PAXBP1: variants seen among roughly 807,000 people sequenced by gnomAD.
PAXBP1 encodes PAX3 and PAX7 binding protein 1.
A neutral mutation model predicts 119.9 loss-of-function variants in PAXBP1; 44 were observed. That is an observed-to-expected ratio of 0.37 (90% CI 0.29 to 0.47). PAXBP1 has a LOEUF of 0.47. Among genes scored for constraint, PAXBP1 ranks in the 20% least tolerant of loss-of-function variants. The pLI is 0.99. For missense variants in PAXBP1, 898 were observed against 1,134.1 expected (o/e 0.79, Z 2.99); for synonymous variants, 393 against 406.6 (o/e 0.97, Z 0.40).
At position 32,771,484 on chromosome 21, in the gene PAXBP1, G is replaced by A. The variant is rs2044351229; in HGVS notation, c.185C>T (p.Ser62Leu). Residue 62 changes from serine (S) to leucine (L), a missense_variant, in exon 1 of 18, where the codon TCG (serine) becomes TTG (leucine). Ser to Leu is a moderately radical substitution (Grantham distance 145). This residue lies in a region of PAXBP1 where 299 missense variants were observed against 281.4 expected (regional missense o/e 1.06). Coordinates refer to ENST00000331923, the MANE Select transcript of PAXBP1 (RefSeq NM_016631.4). Reference protein sequence around the residue: ...GGESLLGPGPSPPSALTPGLG... With the variant: ...GGESLLGPGPLPPSALTPGLG... ...GCCCGGGGTCAGCGCGGAAGGCGGC[G>A]ACGGCCCCGGGCCCAGCAGCGACTC... 3.0e-6 allele frequency: 4 copies of A among 1,326,668 alleles called. No homozygotes were observed. Among genetic ancestry groups the A allele is most frequent in the African/African-American group, 1.5e-5 (1 of 64,594 alleles). The allele number at this position is 1,326,668 out of a possible 1,614,324, so 82.2% of individuals were successfully genotyped here.
intron 1 of PAXBP1, 122 bp from the exon 2 acceptor site, chr21:32,770,064 A>C: frequency 1.5e-6 from 1 of 666,518 alleles, no homozygotes; most frequent in South Asian, 2.3e-5. Flanking sequence ...TGCCAAAATC[A>C]TTGTATAATT....
chr21:32,758,908 T>TAA, intron 7 of PAXBP1, among the ~76,000 whole-genome samples, 172 bp downstream of exon 7: 1 of 152,108 alleles, frequency 6.6e-6, no homozygotes, highest in African/African-American at 2.4e-5. Flanking sequence ...TATATTGCCC[T>TAA]TAAGAGATAA....
chr21:32,752,523 C>T (rs1377858671), intron 8 of PAXBP1, among the ~76,000 whole-genome samples: 1 of 152,140 alleles, frequency 6.6e-6, no homozygotes, highest in Admixed American at 6.5e-5. Flanking sequence ...TTTTACTTAT[C>T]AATTGATATT....
chr21:32,738,110 A>G, intron 16 of PAXBP1, 63 bp downstream of exon 16: 1 of 1,446,302 alleles, frequency 6.9e-7, no homozygotes, highest in Non-Finnish European at 9.2e-7. Context: ...CTCTTCAAAC[A>G]AACAAAAACT....
chr21:32,736,043 G>C (rs2043688214), intron 17 of PAXBP1, among the ~76,000 whole-genome samples: 1 of 152,164 alleles, frequency 6.6e-6, no homozygotes, highest in South Asian at 2.1e-4. Context: ...TTAAATATAT[G>C]TAAATCAAAG....
chr21:32,762,335 G>A lies in PAXBP1; in HGVS notation c.650-18C>T. 6.2e-7 allele frequency: 1 copy of A among 1,606,198 alleles called. No individual in the cohort carries two copies. Among genetic ancestry groups the A allele is most frequent in the Non-Finnish European group, 8.5e-7 (1 of 1,175,432 alleles). On this transcript the variant is annotated intron_variant, in intron 3 of 17. Transcript: ENST00000331923. Reference sequence around the variant, plus strand: ...AATTTCTCCTAGAAACAAATGGTAAGAATATGGCAGTATGAGAGATGCAAA... The same window carrying A: ...AATTTCTCCTAGAAACAAATGGTAAAAATATGGCAGTATGAGAGATGCAAA...
chr21:32,771,139 G>A (rs567579394), intron 1 of PAXBP1, among the ~76,000 whole-genome samples, 187 bp downstream of exon 1: 31 of 152,342 alleles, frequency 2.0e-4, no homozygotes, highest in Admixed American at 2.0e-3. Flanking sequence ...AAGGCTGGGG[G>A]CAGCGCGGGA....
In PAXBP1 at chr21:32,745,570, T is replaced by G; in HGVS notation, c.2068+4A>C. The G allele has an allele frequency of 6.2e-7, 1 of 1,613,880 alleles. No homozygotes were observed. The highest frequency in any genetic ancestry group is 8.5e-7 in the Non-Finnish European group (1 of 1,179,826). ...ATGCTCAATTCAGAGAACAGGAGAT[T>G]TACCTGTTAGTTTAGGAAGAATCAC... On this transcript the variant is annotated splice_donor_region_variant and intron_variant, in intron 12 of 17. Coordinates refer to ENST00000331923, the MANE Select transcript of PAXBP1 (RefSeq NM_016631.4).
Position 32,755,281 on chromosome 21 carries a change from T to G in PAXBP1, c.1456A>C (p.Arg486=). The change falls in exon 8 of 18, where the codon AGA becomes CGA. Residue 486 remains arginine, a synonymous_variant. Transcript: ENST00000331923. ...TCATCTTTAATATCATCTTGTCGTC[T>G]TTGGACAAGGCGGGAAGCTCGCTGT... The part of the protein sequence containing the change: ...YKQRASRLVQ[R]RQDDIKDESS... The G allele has an allele frequency of 6.2e-7, 1 of 1,613,768 alleles. No homozygotes were observed. The highest frequency in any genetic ancestry group is 8.5e-7 in the Non-Finnish European group (1 of 1,179,768).
At chr21:32,751,637 G>C (rs1408894640) in intron 8 of PAXBP1, 1 of 154,880 alleles carries the variant, frequency 6.5e-6, no homozygotes, top group Non-Finnish European at 1.4e-5. Context: ...GGAAAACATA[G>C]GAAGACATAA....
intron 2 of PAXBP1, among the ~76,000 whole-genome samples, chr21:32,768,447 G>A (rs897056788): frequency 6.6e-6 from 1 of 152,156 alleles, no homozygotes; most frequent in Admixed American, 6.5e-5. Context: ...TGTATATTAA[G>A]CCTATCAATT....
At chr21:32,750,385 G>T (rs2043940728) in intron 10 of PAXBP1, among the ~76,000 whole-genome samples, 1 of 152,200 alleles carries the variant, frequency 6.6e-6, no homozygotes, top group African/African-American at 2.4e-5. Flanking sequence ...GTAAGAGAAA[G>T]AAGCTTCTCC....
chr21:32,737,363 C>T lies in PAXBP1; in HGVS notation c.2527G>A (p.Glu843Lys), dbSNP rs1336630217. ...TTTTCTAACTGAGAAATAGTCCTTT[C>T]TCCTTTCAGATTCATGAACCATTGT... ...PKQWFMNLKG[E>K]RTISQLENFC... Residue 843 changes from glutamate to lysine, a missense_variant, in exon 17 of 18, where the codon GAA (glutamate) becomes AAA (lysine). Around this residue, in one of 2 missense-constraint regions of PAXBP1, gnomAD observed 599 missense variants for 852.7 expected, o/e 0.70. Transcript: ENST00000331923. The T allele has an allele frequency of 5.0e-6, 8 of 1,609,226 alleles. No individual in the cohort carries two copies. The highest frequency in any genetic ancestry group is 1.3e-5 in the African/African-American group (1 of 74,590).
Position 32,743,411 on chromosome 21 carries a change from C to T in PAXBP1, c.2268-97G>A, listed in dbSNP as rs574196900. On this transcript the variant is annotated intron_variant, in intron 14 of 17. Coordinates refer to ENST00000331923, the MANE Select transcript of PAXBP1 (RefSeq NM_016631.4). ...AAGATTTTTCTACAAAACAGGTAAA[C>T]AAAATAAATTTTTAATTTTTCAAAT... is the stretch of plus-strand genomic sequence containing the variant. 6.0e-5 allele frequency: 51 copies of T among 843,466 alleles called. No homozygotes were observed. The African/African-American group carries it at 7.0e-4, about 12-fold the overall frequency. The allele number at this position is 843,466 out of a possible 1,614,324, so 52.2% of individuals were successfully genotyped here.
At chr21:32,752,917 C>A (rs1017445289) in intron 8 of PAXBP1, among the ~76,000 whole-genome samples, 1 of 151,960 alleles carries the variant, frequency 6.6e-6, no homozygotes, top group African/African-American at 2.4e-5. Flanking sequence ...CCTGACCAGA[C>A]CCTACTATTT....
At position 32,734,653 on chromosome 21, in the gene PAXBP1, C is replaced by G; in HGVS notation, c.*297G>C. 1 of 378,508 alleles carries G rather than the reference C, an allele frequency of 2.6e-6. No individual in the cohort carries two copies. The highest frequency in any genetic ancestry group is 4.9e-6 in the Non-Finnish European group (1 of 205,960). The allele number at this position is 378,508 out of a possible 1,614,324, so 23.4% of individuals were successfully genotyped here. ...TATATATGCATAATTACACAATTTA[C>G]ACTGCACACATCGTTTACAGGGGAC... is the stretch of plus-strand genomic sequence containing the variant. On this transcript the variant is annotated 3_prime_UTR_variant, in exon 18 of 18. Transcript: ENST00000331923.
chr21:32,739,274 G>A (rs923664619), intron 15 of PAXBP1, among the ~76,000 whole-genome samples: 1 of 152,214 alleles, frequency 6.6e-6, no homozygotes, highest in African/African-American at 2.4e-5. Flanking sequence ...CAGAAGCCCA[G>A]TTGAGAAGAG....
intron 10 of PAXBP1, 48 bp downstream of exon 10, chr21:32,750,869 G>A: frequency 7.2e-7 from 1 of 1,395,838 alleles, no homozygotes; most frequent in South Asian, 1.2e-5. Context: ...CCATACCCAA[G>A]TAGAAACTAA....
rs147785424 is a variant in PAXBP1, at chr21:32,734,630, T to C, written c.*320A>G. 2.8e-4 allele frequency: 76 copies of C among 276,146 alleles called. 1 individual carries two copies. Among genetic ancestry groups the C allele is most frequent in the African/African-American group, 1.6e-3 (69 of 43,864 alleles). 17.1% of individuals were successfully genotyped at this position (276,146 alleles called of 1,614,324 possible). On this transcript the variant is annotated 3_prime_UTR_variant, in exon 18 of 18. Transcript: ENST00000331923. The stretch of plus-strand genomic sequence containing the variant: ...GTAAGTCCATGGTGGTATAAATATA[T>C]ATATGCATAATTACACAATTTACAC...
Sources: gnomAD v4.1 joint callset for allele counts (sites outside exome capture counted in the v4.1 genomes callset) on GRCh38, gnomAD v4.1.1 for gene constraint, gnomAD v4.1.1 regional missense constraint, MANE v1.5 for transcripts, NCBI Gene and HGNC (gene_info 2026-07-23, HGNC 2026-07-21) for gene names.